The following QSOX1 variants were observed in gnomAD, a reference collection of about 807,000 sequenced individuals.
The protein encoded by QSOX1 is sulfhydryl oxidase 1.
Under a neutral mutation model 76.1 loss-of-function variants are expected in QSOX1, and 40 were observed. That is an observed-to-expected ratio of 0.53 (90% CI 0.41 to 0.68). The LOEUF (loss-of-function observed/expected upper bound fraction) is 0.68, where lower values mean the gene tolerates loss of function less well. QSOX1 is among the 30% of genes least tolerant of loss of function. QSOX1 has a pLI of 0.00. For missense variants in QSOX1, 931 were observed against 974.3 expected, an observed-to-expected ratio of 0.96 and a Z score of 0.59; for synonymous variants, 392 against 413.1, an observed-to-expected ratio of 0.95 and a Z score of 0.62.
intron 8 of QSOX1, among the ~76,000 whole-genome samples, chr1:180,187,227 ATT>A (rs1663196937): frequency 6.6e-6 from 1 of 152,208 alleles, no homozygotes; most frequent in South Asian, 2.1e-4. Flanking sequence ...TGACAGGGAC[ATT>A]TCAGCCTAAG....
Position 180,197,522 on chromosome 1 carries a change from G to A in QSOX1, c.*485G>A. 1 of 974,852 alleles carries A rather than the reference G, an allele frequency of 1.0e-6. No homozygotes were observed. Among genetic ancestry groups the A allele is most frequent in the Non-Finnish European group, 1.5e-6 (1 of 656,512 alleles). The allele number at this position is 974,852 out of a possible 1,614,324, so 60.4% of individuals were successfully genotyped here. A position where few individuals can be genotyped will look rare whatever the true frequency, so the allele number is the denominator to read the frequency against. Reference sequence around the variant, plus strand: ...GACAATGAAGAAGCCTTTGCACCCTGGGAGGAAGGACCACCCCGGGCCCTC... The same window carrying A: ...GACAATGAAGAAGCCTTTGCACCCTAGGAGGAAGGACCACCCCGGGCCCTC... On this transcript the variant is annotated 3_prime_UTR_variant, in exon 12 of 12. Coordinates refer to ENST00000367602, the MANE Select transcript of QSOX1 (RefSeq NM_002826.5).
Position 180,182,338 on chromosome 1 carries a change from G to A in QSOX1, c.752+19G>A, listed in dbSNP as rs766891999. On this transcript the variant is annotated intron_variant, in intron 6 of 11. Transcript: ENST00000367602. ...TCCCCGTGTGAGTATCCTGTCTCCT[G>A]GCGTCCCCTCTCGTCCCTCCCTGTG... 1.2e-6 allele frequency: 2 copies of A among 1,613,940 alleles called. No homozygotes were observed. The highest frequency in any genetic ancestry group is 1.7e-6 in the Non-Finnish European group (2 of 1,179,880).
At chr1:180,180,152 G>A (rs1662993081) in intron 5 of QSOX1, among the ~76,000 whole-genome samples, 1 of 152,246 alleles carries the variant, frequency 6.6e-6, no homozygotes, top group African/African-American at 2.4e-5. Context: ...CTGGAGGCAT[G>A]ATTTCACTTC....
chr1:180,168,880 G>C (rs971340876), intron 2 of QSOX1, among the ~76,000 whole-genome samples: 3 of 152,212 alleles, frequency 2.0e-5, no homozygotes, highest in Non-Finnish European at 2.9e-5. Context: ...GCTGCCCTCT[G>C]GGGGCTGGAG....
chr1:180,186,002 T>G lies in QSOX1; in HGVS notation c.888-51T>G, dbSNP rs370961992. Reference sequence around the variant, plus strand: ...AGCCCTGGATGCTCCTTGCAGCCCCTGCACCATGGTTAATACTTCTTTCTC... The same window carrying G: ...AGCCCTGGATGCTCCTTGCAGCCCCGGCACCATGGTTAATACTTCTTTCTC... On this transcript the variant is annotated intron_variant, in intron 7 of 11. Coordinates refer to ENST00000367602, the MANE Select transcript of QSOX1 (RefSeq NM_002826.5). 2.5e-6 allele frequency: 4 copies of G among 1,602,208 alleles called. 1 individual carries two copies. The highest frequency in any genetic ancestry group is 3.3e-5 in the Admixed American group (2 of 59,980).
At chr1:180,183,865 T>A (rs749049683) in intron 6 of QSOX1, 51 bp from the exon 7 acceptor site, 2 of 1,561,402 alleles carry the variant, frequency 1.3e-6, no homozygotes, top group Admixed American at 1.8e-5. Flanking sequence ...TTAGCTCTAA[T>A]CTTGTTCTCT....
intron 1 of QSOX1, 67 bp from the exon 2 acceptor site, chr1:180,166,424 G>T: frequency 1.5e-6 from 2 of 1,308,460 alleles, no homozygotes; most frequent in South Asian, 1.2e-5. Flanking sequence ...CATTGCATTA[G>T]GGGAGATGGG....
intron 6 of QSOX1, among the ~76,000 whole-genome samples, chr1:180,182,617 C>A (rs559804856): frequency 1.3e-5 from 2 of 152,174 alleles, no homozygotes; most frequent in Non-Finnish European, 2.9e-5. Flanking sequence ...TCTCCACCCT[C>A]TTCTGTTCGC....
intron 11 of QSOX1, among the ~76,000 whole-genome samples, chr1:180,194,936 G>T (rs1172390550): frequency 6.6e-6 from 1 of 151,358 alleles, no homozygotes; most frequent in Non-Finnish European, 1.5e-5. Flanking sequence ...GGAGCCATCT[G>T]TGGACAGGAG....
rs1663634961 is a variant in QSOX1, at chr1:180,201,320, A to G, written c.*4283A>G. ...GGCCAGGTGTGAGAGGGGAGAGCTC[A>G]CTCACACCAGCCTGACAGTCTTGGG... On this transcript the variant is annotated 3_prime_UTR_variant, in exon 12 of 12. Coordinates refer to ENST00000367602, the MANE Select transcript of QSOX1 (RefSeq NM_002826.5). 1 of 152,068 alleles carries G rather than the reference A, an allele frequency of 6.6e-6. No individual in the cohort carries two copies. Among genetic ancestry groups the G allele is most frequent in the Admixed American group, 6.5e-5 (1 of 15,272 alleles). The allele number at this position is 152,068 out of a possible 1,614,324, so 9.4% of individuals were successfully genotyped here. A position where few individuals can be genotyped will look rare whatever the true frequency, so the allele number is the denominator to read the frequency against.
chr1:180,169,516 A>G (rs1351027063), intron 2 of QSOX1, among the ~76,000 whole-genome samples: 1 of 152,230 alleles, frequency 6.6e-6, no homozygotes, highest in African/African-American at 2.4e-5. Flanking sequence ...GTCTGTAAAC[A>G]TGGGATGATA....
In QSOX1 at chr1:180,202,552, G is replaced by C. The variant is rs771068184; in HGVS notation, c.*5515G>C. On this transcript the variant is annotated 3_prime_UTR_variant, in exon 12 of 12. Coordinates refer to ENST00000367602, the MANE Select transcript of QSOX1 (RefSeq NM_002826.5). The stretch of plus-strand genomic sequence containing the variant: ...TCCAATGGTTACAGAGTTCTGCCCT[G>C]GGGAGGGAGGAATTGCTTAGCAAAT... 2.6e-5 allele frequency: 4 copies of C among 151,982 alleles called. No individual in the cohort carries two copies. The highest frequency in any genetic ancestry group is 5.9e-5 in the Non-Finnish European group (4 of 68,024). The allele number at this position is 151,982 out of a possible 1,614,324, so 9.4% of individuals were successfully genotyped here.
Position 180,201,689 on chromosome 1 carries a change from T to C in QSOX1, c.*4652T>C, listed in dbSNP as rs950739131. On this transcript the variant is annotated 3_prime_UTR_variant, in exon 12 of 12. Coordinates refer to ENST00000367602, the MANE Select transcript of QSOX1 (RefSeq NM_002826.5). ...CTCTGACCCTTGCTTTCCCTTTCTCTGCTGCCCTCAAGGGTCATTCACACC... is the reference window on the plus strand; with the variant it reads ...CTCTGACCCTTGCTTTCCCTTTCTCCGCTGCCCTCAAGGGTCATTCACACC... 6 of 152,470 alleles carry C rather than the reference T, an allele frequency of 3.9e-5. No homozygotes were observed. The highest frequency in any genetic ancestry group is 9.6e-5 in the African/African-American group (4 of 41,470). 9.4% of individuals were successfully genotyped at this position (152,470 alleles called of 1,614,324 possible). A position where few individuals can be genotyped will look rare whatever the true frequency, so the allele number is the denominator to read the frequency against.
chr1:180,190,611 C>T, intron 10 of QSOX1, 31 bp downstream of exon 10: 1 of 1,598,156 alleles, frequency 6.3e-7, no homozygotes, highest in Non-Finnish European at 8.6e-7. Flanking sequence ...CCCCACTGTG[C>T]CTCCAACCCT....
At chr1:180,166,202 G>A (rs55964642) in intron 1 of QSOX1, among the ~76,000 whole-genome samples, 15 of 152,152 alleles carry the variant, frequency 9.9e-5, no homozygotes, top group Non-Finnish European at 1.5e-5. Context: ...ACATCTCTCA[G>A]CCCCCATCCC....
intron 2 of QSOX1, among the ~76,000 whole-genome samples, chr1:180,167,267 A>G (rs548659761): frequency 9.8e-4 from 149 of 152,332 alleles, no homozygotes; most frequent in Middle Eastern, 3.4e-3. Flanking sequence ...CTCCAATCCA[A>G]TTAGTTTTCT....
At chr1:180,155,211 G>T (rs1418260125) in intron 1 of QSOX1, 39 bp downstream of exon 1, 1 of 1,424,652 alleles carries the variant, frequency 7.0e-7, no homozygotes, top group Non-Finnish European at 9.2e-7. Context: ...GTGCCCCGCC[G>T]CCCGGACCCC....
Position 180,166,516 on chromosome 1 carries a change from C to T in QSOX1, c.291C>T (p.Ala97=), listed in dbSNP as rs367678301. Residue 97 remains alanine (A), a synonymous_variant, in exon 2 of 12, where the codon GCC becomes GCT. Coordinates refer to ENST00000367602, the MANE Select transcript of QSOX1 (RefSeq NM_002826.5). Reference sequence around the variant, plus strand: ...CCTGGAGGCCGGCCCTGTATCTCGCCGCCCTGGACTGTGCTGAGGAGACCA... The same window carrying T: ...CCTGGAGGCCGGCCCTGTATCTCGCTGCCCTGGACTGTGCTGAGGAGACCA... ...VKAWRPALYL[A]ALDCAEETNS... 117 of 1,613,932 alleles carry T rather than the reference C, an allele frequency of 7.2e-5. No individual in the cohort carries two copies. The highest frequency in any genetic ancestry group is 9.2e-5 in the Non-Finnish European group (108 of 1,179,982).
intron 8 of QSOX1, among the ~76,000 whole-genome samples, chr1:180,186,552 CT>C (rs145508171): frequency 0.028 from 4,327 of 152,262 alleles, 115 homozygotes; most frequent in East Asian, 0.063. Flanking sequence ...AGCAGGACCC[CT>C]AGGACACCCT....
Sources: allele counts gnomAD v4.1 joint callset (sites outside exome capture counted in the v4.1 genomes callset), GRCh38; gene constraint gnomAD v4.1.1; transcripts MANE v1.5; gene names NCBI Gene and HGNC (gene_info 2026-07-23, HGNC 2026-07-21).